Variants in RCAN2 observed in about 807,000 individuals in gnomAD.
RCAN2 encodes regulator of calcineurin 2, also known as calcipressin-2.
In RCAN2, 9 loss-of-function variants were observed where a neutral mutation model predicts 23.6. That is an observed-to-expected ratio of 0.38 (90% CI 0.23 to 0.67). The LOEUF is 0.67. RCAN2 is among the 30% of genes least tolerant of loss of function. The probability of loss-of-function intolerance (pLI) is 0.51; values close to 1 mark genes in which losing one functional copy is unlikely to be tolerated. For synonymous variants in RCAN2, 109 were observed against 115.7 expected (o/e 0.94, Z 0.37); for missense variants, 273 against 302.3 (o/e 0.90, Z 0.72).
At chr6:46,328,852 G>A (rs969058261) in intron 2 of RCAN2, among the ~76,000 whole-genome samples, 14 of 152,134 alleles carry the variant, frequency 9.2e-5, no homozygotes, top group East Asian at 5.8e-4. Context: ...CTCATGATCC[G>A]CCCACGCTGG....
At chr6:46,379,632 G>T (rs77282994) in intron 2 of RCAN2, among the ~76,000 whole-genome samples, 3,232 of 152,178 alleles carry the variant, frequency 0.021, 111 homozygotes, top group African/African-American at 0.069. Flanking sequence ...TGGGGGATTT[G>T]AACAATCATC....
At chr6:46,443,101 A>G (rs1379375901) in intron 2 of RCAN2, among the ~76,000 whole-genome samples, 1 of 152,212 alleles carries the variant, frequency 6.6e-6, no homozygotes, top group Non-Finnish European at 1.5e-5. Context: ...ATTCCTTAAG[A>G]CAACAAATAT....
intron 2 of RCAN2, among the ~76,000 whole-genome samples, chr6:46,397,277 A>T (rs1472481703): frequency 6.6e-6 from 1 of 152,024 alleles, no homozygotes; most frequent in Non-Finnish European, 1.5e-5. Flanking sequence ...GGGGTACCAT[A>T]GGGGAGTTCC....
intron 2 of RCAN2, among the ~76,000 whole-genome samples, chr6:46,338,203 G>A (rs999318854): frequency 6.6e-6 from 1 of 152,192 alleles, no homozygotes; most frequent in Non-Finnish European, 1.5e-5. Flanking sequence ...AACAGCTTCA[G>A]AAACTAGGTA....
At chr6:46,240,231 G>A (rs1766257478) in intron 4 of RCAN2, among the ~76,000 whole-genome samples, 1 of 152,098 alleles carries the variant, frequency 6.6e-6, no homozygotes, top group Non-Finnish European at 1.5e-5. Flanking sequence ...AAAAATGCAA[G>A]GGTAAACACT....
chr6:46,293,887 T>C (rs1762639682), intron 2 of RCAN2, among the ~76,000 whole-genome samples: 1 of 152,164 alleles, frequency 6.6e-6, no homozygotes, highest in Non-Finnish European at 1.5e-5. Context: ...GAATAGTAAT[T>C]TGAGTAGAAA....
intron 4 of RCAN2, among the ~76,000 whole-genome samples, chr6:46,234,452 G>T (rs1220304011): frequency 1.3e-5 from 2 of 152,184 alleles, no homozygotes; most frequent in African/African-American, 4.8e-5. Flanking sequence ...AACTGGGCTT[G>T]TCTGGGGACA....
chr6:46,338,389 G>T (rs957044628), intron 2 of RCAN2, among the ~76,000 whole-genome samples: 3 of 152,112 alleles, frequency 2.0e-5, no homozygotes, highest in African/African-American at 7.2e-5. Flanking sequence ...AGAGTCAAAA[G>T]TTCGGGTGTG....
chr6:46,414,449 T>G (rs868517551), intron 2 of RCAN2, among the ~76,000 whole-genome samples: 1 of 152,234 alleles, frequency 6.6e-6, no homozygotes, highest in Non-Finnish European at 1.5e-5. Flanking sequence ...ATGGCTATGA[T>G]GGTTAAGCTT....
intron 2 of RCAN2, among the ~76,000 whole-genome samples, chr6:46,427,520 ACTAT>A (rs1217183995): frequency 6.6e-6 from 1 of 152,200 alleles, no homozygotes; most frequent in Non-Finnish European, 1.5e-5. Flanking sequence ...AAATTTAGCA[ACTAT>A]CTTTCATCTA....
At chr6:46,294,651 T>G (rs1242915988) in intron 2 of RCAN2, among the ~76,000 whole-genome samples, 2 of 152,114 alleles carry the variant, frequency 1.3e-5, no homozygotes, top group African/African-American at 2.4e-5. Context: ...GGATAATGCC[T>G]TATGTGTTGT....
chr6:46,442,304 G>A (rs1251482210), intron 2 of RCAN2, among the ~76,000 whole-genome samples: 1 of 152,074 alleles, frequency 6.6e-6, no homozygotes, highest in Admixed American at 6.6e-5. Context: ...AATTTTCATG[G>A]CCCCCACGAT....
chr6:46,258,628 A>G (rs1767000756), intron 2 of RCAN2, among the ~76,000 whole-genome samples: 1 of 152,034 alleles, frequency 6.6e-6, no homozygotes, highest in African/African-American at 2.4e-5. Context: ...AACCTCATGG[A>G]CTCATCACAC....
In RCAN2 at chr6:46,314,394, C is replaced by A. The variant is rs911345310; in HGVS notation, c.226-65498G>T. Among the ~76,000 whole-genome samples, 591 of 141,352 alleles carry A rather than the reference C, an allele frequency of 4.2e-3. 3 individuals are homozygous for A. Among genetic ancestry groups the A allele is most frequent in the African/African-American group, 0.011 (424 of 38,218 alleles). The allele number at this position is 141,352 out of a possible 152,430, so 92.7% of individuals were successfully genotyped here. A position where few individuals can be genotyped will look rare whatever the true frequency, so the allele number is the denominator to read the frequency against. On this transcript the variant is annotated intron_variant, in intron 2 of 4. Transcript: ENST00000371374. ...AAAAAAAAAAAGAAAAGAAAAAAAA[C>A]CACAAAAAAGATGTTTACTAGTTTT...
At chr6:46,434,659 T>C (rs1446422334) in intron 2 of RCAN2, among the ~76,000 whole-genome samples, 1 of 152,178 alleles carries the variant, frequency 6.6e-6, no homozygotes, top group Non-Finnish European at 1.5e-5. Flanking sequence ...ATTCTTATCC[T>C]AAGATGAGGT....
At chr6:46,313,060 T>G (rs1763315698) in intron 2 of RCAN2, among the ~76,000 whole-genome samples, 1 of 152,202 alleles carries the variant, frequency 6.6e-6, no homozygotes, top group South Asian at 2.1e-4. Flanking sequence ...CTCTAATTCT[T>G]AGAGTTCACC....
At chr6:46,363,914 T>G (rs1248206566) in intron 2 of RCAN2, among the ~76,000 whole-genome samples, 1 of 152,180 alleles carries the variant, frequency 6.6e-6, no homozygotes. Context: ...TATAAGCCAT[T>G]AGGAATACTG....
At chr6:46,299,312 T>C (rs1762830911) in intron 2 of RCAN2, among the ~76,000 whole-genome samples, 1 of 152,050 alleles carries the variant, frequency 6.6e-6, no homozygotes, top group South Asian at 2.1e-4. Flanking sequence ...CATATGGATT[T>C]CAAGAGCACC....
intron 2 of RCAN2, among the ~76,000 whole-genome samples, chr6:46,410,266 A>C (rs564721810): frequency 6.6e-6 from 1 of 152,336 alleles, no homozygotes; most frequent in South Asian, 2.1e-4. Flanking sequence ...CAGAAGGTCC[A>C]TCATGGGACT....
Sources: gnomAD v4.1 joint callset for allele counts (sites outside exome capture counted in the v4.1 genomes callset) on GRCh38, gnomAD v4.1.1 for gene constraint, MANE v1.5 for transcripts, NCBI Gene and HGNC (gene_info 2026-07-23, HGNC 2026-07-21) for gene names.